KIR2DL1: variants seen among roughly 807,000 people sequenced by gnomAD.
KIR2DL1 encodes the protein killer cell immunoglobulin like receptor, two Ig domains and long cytoplasmic tail 1, also known as killer cell immunoglobulin-like receptor 2DL1.
Under a neutral mutation model 33.9 loss-of-function variants are expected in KIR2DL1, and 38 were observed. That is an observed-to-expected ratio of 1.12 (90% CI 0.86 to 1.47). KIR2DL1 has a LOEUF of 1.47. Among genes scored for constraint, KIR2DL1 ranks in the 40% most tolerant of loss-of-function variants. The pLI is 0.00. For missense variants in KIR2DL1, 531 were observed against 433.9 expected (o/e 1.22, Z -1.99); for synonymous variants, 179 against 165.9 (o/e 1.08, Z -0.61).
intron 5 of KIR2DL1, among the ~76,000 whole-genome samples, chr19:54,781,309 G>C (rs973716617): frequency 1.1e-4 from 16 of 148,758 alleles, no homozygotes; most frequent in African/African-American, 2.2e-4. Context: ...ATTAGGCAAT[G>C]AGCCTAAAAC....
At chr19:54,781,786 C>G (rs1251237637) in intron 5 of KIR2DL1, among the ~76,000 whole-genome samples, 2 of 152,062 alleles carry the variant, frequency 1.3e-5, no homozygotes, top group Non-Finnish European at 2.9e-5. Flanking sequence ...CTTTTTTTAT[C>G]TTGATTTCAC....
chr19:54,772,548 A>G (rs1389896308), intron 2 of KIR2DL1, among the ~76,000 whole-genome samples: 1 of 145,708 alleles, frequency 6.9e-6, no homozygotes, highest in African/African-American at 2.5e-5. Flanking sequence ...TTAAGAAACA[A>G]CACAAGGATA....
rs2076213009 is a variant in KIR2DL1 at position 54,775,404 on chromosome 19, GA to G, written c.611del (p.Asp204AlafsTer44). The G allele has an allele frequency of 7.6e-6, 12 of 1,583,762 alleles. No homozygotes were observed. Among genetic ancestry groups the G allele is most frequent in the African/African-American group, 1.4e-5 (1 of 73,858 alleles). On this transcript the variant is annotated frameshift_variant, in exon 4 of 8. Coordinates refer to ENST00000336077, the MANE Select transcript of KIR2DL1 (RefSeq NM_014218.3). LOFTEE classifies it high-confidence loss of function. ...CTACAGATGCTTCGGCTCTTTCCATGACTCTCCATACGAGTGGTCAAAGTCA... is the reference window on the plus strand; with the variant it reads ...CTACAGATGCTTCGGCTCTTTCCATGCTCTCCATACGAGTGGTCAAAGTCA... The part of the protein sequence containing the change: ...GTYRCFGSFH[D>X]SPYEWSKSSD...
chr19:54,775,785 C>T (rs373691637), intron 4 of KIR2DL1, among the ~76,000 whole-genome samples: 5 of 148,952 alleles, frequency 3.4e-5, no homozygotes, highest in Admixed American at 2.7e-4. Flanking sequence ...AGAAGCCCAT[C>T]CTGGCCTCTC....
At position 54,775,021 on chromosome 19, in the gene KIR2DL1, G is replaced by A. The variant is rs1430900689; in HGVS notation, c.371-144G>A. ...ACAGAGAAGGTGGAAGGAGGAAATA[G>A]ACATGAAGAGCGATGGGGTAGAGGG... On this transcript the variant is annotated intron_variant, in intron 3 of 7. Transcript: ENST00000336077. 4.0e-5 allele frequency: 48 copies of A among 1,189,206 alleles called. 2 individuals carry two copies. Among genetic ancestry groups the A allele is most frequent in the Non-Finnish European group, 5.4e-5 (46 of 859,156 alleles). The allele number at this position is 1,189,206 out of a possible 1,614,324, so 73.7% of individuals were successfully genotyped here. A position where few individuals can be genotyped will look rare whatever the true frequency, so the allele number is the denominator to read the frequency against.
In KIR2DL1 at chr19:54,774,307, T is replaced by A. The variant is rs796092223; in HGVS notation, c.370+675T>A. 1.5e-3 allele frequency among the ~76,000 whole-genome samples: 218 copies of A among 146,442 alleles called. 5 individuals carry two copies. The South Asian group carries it at 0.046, about 31-fold the overall frequency. On this transcript the variant is annotated intron_variant, in intron 3 of 7. Coordinates refer to ENST00000336077, the MANE Select transcript of KIR2DL1 (RefSeq NM_014218.3). ...CAGAGAATGAGCCAGAGGAAGGAGA[T>A]TGAGAGACTCACAGACACATAAAGA...
chr19:54,776,268 C>T (rs1293243967), intron 4 of KIR2DL1, among the ~76,000 whole-genome samples: 2 of 145,158 alleles, frequency 1.4e-5, no homozygotes, highest in African/African-American at 2.5e-5. Context: ...TTTTTTTTAC[C>T]CTCCACCCTT....
intron 6 of KIR2DL1, 30 bp downstream of exon 6, chr19:54,783,053 C>T: frequency 6.2e-7 from 1 of 1,602,402 alleles, no homozygotes; most frequent in Non-Finnish European, 8.5e-7. Context: ...GGCCAGAGAG[C>T]TCAGGGCCAT....
chr19:54,783,355 G>A (rs1300985137), intron 6 of KIR2DL1, 131 bp from the exon 7 acceptor site: 31 of 946,226 alleles, frequency 3.3e-5, no homozygotes, highest in African/African-American at 8.1e-5. Context: ...GAGATAGAAT[G>A]TCTGAGTCTG....
chr19:54,773,455 A>C lies in KIR2DL1; in HGVS notation c.193A>C (p.Met65Leu). 1 of 1,588,324 alleles carries C rather than the reference A, an allele frequency of 6.3e-7. No individual in the cohort carries two copies. The highest frequency in any genetic ancestry group is 8.6e-7 in the Non-Finnish European group (1 of 1,159,964). Residue 65 changes from methionine to leucine, a missense_variant, in exon 3 of 8, where the codon ATG becomes CTG. Coordinates refer to ENST00000336077, the MANE Select transcript of KIR2DL1 (RefSeq NM_014218.3). ...FEHFLLHREG[M>L]FNDTLRLIGE... Reference sequence around the variant, plus strand: ...ACACTTCCTTCTGCACAGAGAGGGGATGTTTAACGACACTTTGCGCCTCAT... The same window carrying C: ...ACACTTCCTTCTGCACAGAGAGGGGCTGTTTAACGACACTTTGCGCCTCAT...
rs200859220 is a variant in KIR2DL1, at chr19:54,769,825, G to T, written c.-26G>T. ...GCGCTGCTGAGCTGAGCTCGGTCGC[G>T]GCTGCCTGTCTGCTCCGGCAGCACC... On this transcript the variant is annotated 5_prime_UTR_variant, in exon 1 of 8. Coordinates refer to ENST00000336077, the MANE Select transcript of KIR2DL1 (RefSeq NM_014218.3). The T allele has an allele frequency of 2.6e-6, 4 of 1,567,476 alleles. 1 individual carries two copies. Among genetic ancestry groups the T allele is most frequent in the Non-Finnish European group, 3.5e-6 (4 of 1,145,932 alleles).
chr19:54,777,319 A>C (rs28891118), intron 4 of KIR2DL1, among the ~76,000 whole-genome samples: 2 of 141,424 alleles, frequency 1.4e-5, no homozygotes, highest in Non-Finnish European at 3.1e-5. Context: ...TCAAACTCCC[A>C]ACCTTATGAG....
chr19:54,772,941 G>C (rs1432827824), intron 2 of KIR2DL1, among the ~76,000 whole-genome samples: 5 of 147,676 alleles, frequency 3.4e-5, no homozygotes, highest in Non-Finnish European at 6.1e-5. Context: ...TTACTGATCA[G>C]TTCATACCTC....
chr19:54,782,327 G>C (rs930742098), intron 5 of KIR2DL1, among the ~76,000 whole-genome samples: 1 of 151,984 alleles, frequency 6.6e-6, no homozygotes, highest in Non-Finnish European at 1.5e-5. Flanking sequence ...CTTGAGCCTC[G>C]GTAACTTCTA....
intron 3 of KIR2DL1, 134 bp from the exon 4 acceptor site, chr19:54,775,031 G>A: frequency 1.6e-6 from 2 of 1,249,164 alleles, no homozygotes; most frequent in Non-Finnish European, 2.2e-6. Flanking sequence ...GACATGAAGA[G>A]CGATGGGGTA....
intron 4 of KIR2DL1, among the ~76,000 whole-genome samples, chr19:54,775,892 C>CCTTTAACA (rs1233644551): frequency 3.9e-4 from 58 of 147,898 alleles, no homozygotes; most frequent in Non-Finnish European, 1.5e-4. Context: ...TAGCTTACCA[C>CCTTTAACA]TTTTAACATT....
intron 5 of KIR2DL1, among the ~76,000 whole-genome samples, chr19:54,781,725 C>G (rs1418479920): frequency 6.6e-6 from 1 of 150,838 alleles, no homozygotes; most frequent in Non-Finnish European, 1.5e-5. Context: ...AGGTTTCACA[C>G]GGGCTTCAAC....
At chr19:54,772,341 G>C (rs1188044995) in intron 2 of KIR2DL1, among the ~76,000 whole-genome samples, 1 of 147,610 alleles carries the variant, frequency 6.8e-6, no homozygotes, top group Non-Finnish European at 1.5e-5. Flanking sequence ...GGCTGGAAAA[G>C]TCAAGGAACT....
chr19:54,775,359 C>G lies in KIR2DL1; in HGVS notation c.565C>G (p.Pro189Ala), dbSNP rs1205264910. The stretch of plus-strand genomic sequence containing the variant: ...ATTCCAGGCTGACTTTCCTCTGGGC[C>G]CTGCCACCCACGGAGGGACCTACAG... ...GTFQADFPLG[P>A]ATHGGTYRCF... The change falls in exon 4 of 8, where the codon CCT becomes GCT. Residue 189 changes from proline to alanine, a missense_variant. By Grantham distance (27) the Pro-to-Ala change is conservative. Coordinates refer to ENST00000336077, the MANE Select transcript of KIR2DL1 (RefSeq NM_014218.3). 44 of 1,582,348 alleles carry G rather than the reference C, an allele frequency of 2.8e-5. No homozygotes were observed. Among genetic ancestry groups the G allele is most frequent in the Non-Finnish European group, 3.6e-5 (41 of 1,154,588 alleles).
Sources: allele counts gnomAD v4.1 joint callset (sites outside exome capture counted in the v4.1 genomes callset), GRCh38; gene constraint gnomAD v4.1.1; transcripts MANE v1.5; gene names NCBI Gene and HGNC (gene_info 2026-07-23, HGNC 2026-07-21).